The following MMD2 variants were observed in gnomAD, a reference collection of about 807,000 sequenced individuals.
MMD2 encodes monocyte to macrophage differentiation associated 2, also known as monocyte to macrophage differentiation factor 2.
MMD2 carries 30 observed loss-of-function variants against 33.5 expected under a neutral mutation model. That is an observed-to-expected ratio of 0.90 (90% CI 0.67 to 1.22). MMD2 has a LOEUF of 1.22. Ranked by LOEUF, MMD2 falls within the 50% of genes most tolerant of loss-of-function variation. The probability of loss-of-function intolerance (pLI) is 0.00; values close to 1 mark genes in which losing one functional copy is unlikely to be tolerated. For synonymous variants in MMD2, 129 were observed against 123.0 expected (o/e 1.05, Z -0.32); for missense variants, 364 against 325.4 (o/e 1.12, Z -0.91).
At chr7:4,932,318 T>C (rs2115124543) in intron 1 of MMD2, among the ~76,000 whole-genome samples, 1 of 152,240 alleles carries the variant, frequency 6.6e-6, no homozygotes, top group Middle Eastern at 3.4e-3. Flanking sequence ...ACCCGAGCAC[T>C]TTCCCTTTAA....
chr7:4,921,526 CAGG>C (rs1785284042), intron 2 of MMD2, among the ~76,000 whole-genome samples: 1 of 150,500 alleles, frequency 6.6e-6, no homozygotes, highest in African/African-American at 2.5e-5. Context: ...GAGGCTGAGG[CAGG>C]AGAATTGCTT....
the MMD2 span, among the ~76,000 whole-genome samples, chr7:4,899,711 T>C: frequency 6.6e-6 from 1 of 152,130 alleles, no homozygotes; most frequent in African/African-American, 2.4e-5. Context: ...AATGTATTTC[T>C]TAGTATGGGT....
downstream of MMD2, among the ~76,000 whole-genome samples, chr7:4,902,775 C>G (rs1227335982): frequency 6.6e-6 from 1 of 152,194 alleles, no homozygotes; most frequent in Non-Finnish European, 1.5e-5. Context: ...AGGTGCCCAT[C>G]TCCCAACCCT....
At chr7:4,897,893 A>T in the MMD2 span, among the ~76,000 whole-genome samples, 6 of 151,986 alleles carry the variant, frequency 3.9e-5, no homozygotes, top group Non-Finnish European at 8.8e-5. Context: ...GCCCACCACC[A>T]TGCCTGGCTA....
Position 4,945,559 on chromosome 7 carries a change from C to G in MMD2, c.47+13412G>C, listed in dbSNP as rs1234586003. 2.6e-5 allele frequency among the ~76,000 whole-genome samples: 4 copies of G among 151,730 alleles called. No individual in the cohort carries two copies. In the East Asian group the frequency reaches 7.8e-4, roughly 29 times the overall value. ...GGGATTACAGGCATGAGCCGCCTCA[C>G]CCAGCCCTTCCCTCCCCTTTCTCCC... On this transcript the variant is annotated intron_variant, in intron 1 of 6. Transcript: ENST00000401401.
At chr7:4,956,851 C>T (rs538871892) in intron 1 of MMD2, among the ~76,000 whole-genome samples, 41 of 152,206 alleles carry the variant, frequency 2.7e-4, no homozygotes, top group African/African-American at 8.2e-4. Flanking sequence ...CTCTCTTTCC[C>T]GTGAACAGTC....
chr7:4,928,366 C>T (rs753221123), intron 1 of MMD2, among the ~76,000 whole-genome samples: 2 of 151,734 alleles, frequency 1.3e-5, no homozygotes, highest in Non-Finnish European at 2.9e-5. Flanking sequence ...GCTGGCTCCA[C>T]GCTCATCAAG....
intron 1 of MMD2, 104 bp from the exon 2 acceptor site, chr7:4,925,636 A>G: frequency 1.4e-6 from 1 of 708,588 alleles, no homozygotes; most frequent in Non-Finnish European, 2.3e-6. Context: ...GGAAAAGAAG[A>G]GCACTCCCCT....
rs1785862605 is a variant in MMD2, at chr7:4,940,079, G to C, written c.48-14547C>G. Among the ~76,000 whole-genome samples the C allele has an allele frequency of 6.6e-6, 1 of 152,168 alleles. No homozygotes were observed. Among genetic ancestry groups the C allele is most frequent in the Admixed American group, 6.6e-5 (1 of 15,260 alleles). On this transcript the variant is annotated intron_variant, in intron 1 of 6. Coordinates refer to ENST00000401401, the MANE Select transcript of MMD2 (RefSeq NM_198403.4). The surrounding 1 kb of genome is among the most constrained non-coding windows in gnomAD (Gnocchi z 5.0). ...ATAAATTTCAAGAACAGGCAGCGCAGGTCTGTTGAAGGTCCGATGACGCCA... is the reference window on the plus strand; with the variant it reads ...ATAAATTTCAAGAACAGGCAGCGCACGTCTGTTGAAGGTCCGATGACGCCA...
downstream of MMD2, among the ~76,000 whole-genome samples, chr7:4,903,994 G>A (rs1288424972): frequency 6.6e-6 from 1 of 152,160 alleles, no homozygotes; most frequent in African/African-American, 2.4e-5. Context: ...GTGCAGTGGT[G>A]CAATCTTGGC....
At chr7:4,911,459 G>A (rs1455247068) in intron 4 of MMD2, among the ~76,000 whole-genome samples, 5 of 152,144 alleles carry the variant, frequency 3.3e-5, no homozygotes, top group South Asian at 2.1e-4. Context: ...AGGAAAATTA[G>A]CAAAATTGAT....
Position 4,907,329 on chromosome 7 carries a change from T to C in MMD2, c.*67A>G. On this transcript the variant is annotated 3_prime_UTR_variant, in exon 7 of 7. Transcript: ENST00000401401. ...GAAGACAGGCCTTGGCGCTGTGCTC[T>C]GGGTTAACGTTCACAGAAACGTGCT... 6.6e-7 allele frequency: 1 copy of C among 1,510,686 alleles called. No homozygotes were observed. Among genetic ancestry groups the C allele is most frequent in the Non-Finnish European group, 9.2e-7 (1 of 1,089,450 alleles). 93.6% of individuals were successfully genotyped at this position (1,510,686 alleles called of 1,614,324 possible). A position where few individuals can be genotyped will look rare whatever the true frequency, so the allele number is the denominator to read the frequency against.
rs551906867 is a variant in MMD2, at chr7:4,920,164, G to A, written c.290+7C>T. ...CCCGGCATGGGTCCCCTCTGGGCGG[G>A]AGGCACCTGAGGTGGCTCTTCTTCC... On this transcript the variant is annotated splice_region_variant and intron_variant, in intron 3 of 6. Coordinates refer to ENST00000401401, the MANE Select transcript of MMD2 (RefSeq NM_198403.4). The A allele has an allele frequency of 2.6e-6, 4 of 1,555,908 alleles. No individual in the cohort carries two copies. The highest frequency in any genetic ancestry group is 1.4e-5 in the African/African-American group (1 of 73,288).
At chr7:4,939,064 G>C (rs1785830151) in intron 1 of MMD2, among the ~76,000 whole-genome samples, 1 of 152,026 alleles carries the variant, frequency 6.6e-6, no homozygotes, top group Non-Finnish European at 1.5e-5. Context: ...AAAACAATTA[G>C]CTGAGCATGG....
chr7:4,915,026 A>C (rs907367208), intron 4 of MMD2, among the ~76,000 whole-genome samples: 1 of 152,238 alleles, frequency 6.6e-6, no homozygotes, highest in Admixed American at 6.5e-5. Context: ...TACTCCCAAC[A>C]GTTTGGGAGG....
chr7:4,910,877 C>T (rs991585241), intron 5 of MMD2, among the ~76,000 whole-genome samples: 1 of 152,192 alleles, frequency 6.6e-6, no homozygotes. Flanking sequence ...GATCTGCCTG[C>T]CTCGTGGATC....
intron 3 of MMD2, among the ~76,000 whole-genome samples, chr7:4,918,791 A>AT (rs1785203999): frequency 6.6e-6 from 1 of 150,968 alleles, no homozygotes; most frequent in African/African-American, 2.5e-5. Context: ...CCTGGCCTGT[A>AT]ATTTTTTTTT....
chr7:4,943,185 A>G (rs1246443315), intron 1 of MMD2, among the ~76,000 whole-genome samples: 1 of 148,196 alleles, frequency 6.7e-6, no homozygotes. Flanking sequence ...AATTTTTTGT[A>G]TTTTTAGTAG....
At chr7:4,916,370 AC>A (rs1785143558) in intron 3 of MMD2, among the ~76,000 whole-genome samples, 3 of 55,852 alleles carry the variant, frequency 5.4e-5, no homozygotes, top group Non-Finnish European at 6.9e-5. Flanking sequence ...CCTCCGTCCC[AC>A]TTTTTTTTTT....
Sources: gnomAD v4.1 joint callset for allele counts (sites outside exome capture counted in the v4.1 genomes callset) on GRCh38, gnomAD v4.1.1 for gene constraint, Gnocchi (gnomAD v3.1) non-coding constraint, MANE v1.5 for transcripts, NCBI Gene and HGNC (gene_info 2026-07-23, HGNC 2026-07-21) for gene names.